Variants in CROCC observed in about 807,000 individuals in gnomAD.
CROCC encodes rootletin.
Under a neutral mutation model 245.2 loss-of-function variants are expected in CROCC, and 180 were observed. The observed-to-expected ratio is 0.73, with a 90% CI of 0.65 to 0.83. CROCC has a LOEUF of 0.83. Ranked by LOEUF, CROCC falls within the 40% of genes least tolerant of loss-of-function variation. The pLI, the probability that CROCC is intolerant of heterozygous loss-of-function variation, is 0.00. For missense variants in CROCC, 2,688 were observed against 2,779.4 expected (o/e 0.97, Z 0.74); for synonymous variants, 1,205 against 1,241.6 (o/e 0.97, Z 0.62).
intron 9 of CROCC, among the ~76,000 whole-genome samples, chr1:16,937,243 C>T (rs1325211149): frequency 2.0e-5 from 3 of 152,108 alleles, no homozygotes; most frequent in East Asian, 1.9e-4. Context: ...ATCCCAGCTA[C>T]GAGGGAGGCT....
At chr1:16,959,965 A>C (rs1054435009) in intron 26 of CROCC, among the ~76,000 whole-genome samples, 4 of 152,046 alleles carry the variant, frequency 2.6e-5, no homozygotes, top group African/African-American at 9.6e-5. Flanking sequence ...AAAAACAAAA[A>C]AAAAAACAGA....
Position 16,966,302 on chromosome 1 carries a change from C to A in CROCC, c.4697-106C>A. The stretch of plus-strand genomic sequence containing the variant: ...GCCCGCATACTACGAAGGGTGCAGA[C>A]AGTCTGGCCCTGCACTGGGTGGAGT... On this transcript the variant is annotated intron_variant, in intron 29 of 36. Coordinates refer to ENST00000375541, the MANE Select transcript of CROCC (RefSeq NM_014675.5). The surrounding 1 kb of genome is among the most constrained non-coding windows in gnomAD (Gnocchi z 4.8). 7.0e-7 allele frequency: 1 copy of A among 1,431,316 alleles called. No individual in the cohort carries two copies. Among genetic ancestry groups the A allele is most frequent in the Admixed American group, 2.5e-5 (1 of 39,902 alleles). The allele number at this position is 1,431,316 out of a possible 1,614,324, so 88.7% of individuals were successfully genotyped here.
chr1:16,924,689 G>A (rs867854406), intron 3 of CROCC, among the ~76,000 whole-genome samples: 2 of 152,288 alleles, frequency 1.3e-5, no homozygotes, highest in East Asian at 1.9e-4. Flanking sequence ...GTAATGGGAC[G>A]TGGAATTGTA....
Position 16,939,177 on chromosome 1 carries a change from G to T in CROCC, c.1608+35G>T, listed in dbSNP as rs1267826417. The T allele has an allele frequency of 1.1e-5, 15 of 1,409,504 alleles. No homozygotes were observed. In the South Asian group the frequency reaches 2.2e-4, roughly 21 times the overall value. The allele number at this position is 1,409,504 out of a possible 1,614,324, so 87.3% of individuals were successfully genotyped here. ...GGCTTGAGCGTTCTGGGCGCAGCCA[G>T]AGGCCTGGGGGAGGGGCTCGCGCCC... On this transcript the variant is annotated intron_variant, in intron 12 of 36. Coordinates refer to ENST00000375541, the MANE Select transcript of CROCC (RefSeq NM_014675.5).
chr1:16,955,948 C>G (rs1360669030), intron 24 of CROCC, 49 bp from the exon 25 acceptor site: 3 of 1,547,026 alleles, frequency 1.9e-6, no homozygotes, highest in Non-Finnish European at 2.6e-6. Context: ...TGTAGAGCCA[C>G]TGACTACTCC....
intron 14 of CROCC, 65 bp from the exon 15 acceptor site, chr1:16,945,397 G>T: frequency 3.1e-6 from 5 of 1,602,858 alleles, no homozygotes; most frequent in Non-Finnish European, 4.3e-6. Context: ...CCAGCATCTC[G>T]CTGGCTACAG....
At chr1:16,920,650 T>C (rs2075384253), upstream of CROCC, among the ~76,000 whole-genome samples, 1 of 152,148 alleles carries the variant, frequency 6.6e-6, no homozygotes, top group Non-Finnish European at 1.5e-5. Context: ...GCCTAAGCAC[T>C]AGAGCACATA....
At chr1:16,915,035 C>T (rs2075287036) in intron 1 of CROCC, among the ~76,000 whole-genome samples, 1 of 152,286 alleles carries the variant, frequency 6.6e-6, no homozygotes, top group Non-Finnish European at 1.5e-5. Context: ...CCCTGGATCT[C>T]GGAGGCTCCC....
upstream of CROCC, chr1:16,921,929 G>A: frequency 1.5e-6 from 2 of 1,335,046 alleles, no homozygotes; most frequent in Middle Eastern, 1.9e-4. Context: ...CTGGTGCTCA[G>A]CACAGCATCC....
In CROCC at chr1:16,922,751, T is replaced by G. The variant is rs2100315906; in HGVS notation, c.149T>G (p.Leu50Arg). The G allele has an allele frequency of 6.2e-7, 1 of 1,613,916 alleles. No individual in the cohort carries two copies. The highest frequency in any genetic ancestry group is 1.1e-5 in the South Asian group (1 of 91,082). Residue 50 changes from leucine to arginine, a missense_variant, in exon 2 of 37, where the codon CTT becomes CGT. This residue lies in a region of CROCC where 972 missense variants were observed against 895.3 expected (regional missense o/e 1.09). Transcript: ENST00000375541. ...QDAQITSLPA[L>R]IREIVTRNLS... The stretch of plus-strand genomic sequence containing the variant: ...GCTCAGATCACCAGCCTGCCTGCCC[T>G]TATCAGGGAGATTGTCACCCGCAAC...
intron 27 of CROCC, among the ~76,000 whole-genome samples, chr1:16,965,233 CA>C (rs1385144119): frequency 1.8e-4 from 27 of 152,212 alleles, no homozygotes; most frequent in African/African-American, 6.3e-4. Context: ...AGTGGGCACT[CA>C]GTATGGAGAG....
chr1:16,970,594 GCTC>G (rs1304415866), intron 34 of CROCC, 39 bp from the exon 35 acceptor site: 1 of 1,498,294 alleles, frequency 6.7e-7, no homozygotes, highest in Non-Finnish European at 8.9e-7. Context: ...CCCTCAGTAA[GCTC>G]CTCCTGGCAC....
rs770149753 is a variant in CROCC at position 16,971,698 on chromosome 1, A to C, written c.5967+51A>C. Reference sequence around the variant, plus strand: ...GGCCAGGATGGATGTGTGGGGCTGCAGAAAGAGGAGAGACCCAATCAAGAC... The same window carrying C: ...GGCCAGGATGGATGTGTGGGGCTGCCGAAAGAGGAGAGACCCAATCAAGAC... On this transcript the variant is annotated intron_variant, in intron 36 of 36. Transcript: ENST00000375541. The C allele has an allele frequency of 5.4e-5, 77 of 1,414,506 alleles. No individual in the cohort carries two copies. The South Asian group carries it at 7.9e-4, about 15-fold the overall frequency. 87.6% of individuals were successfully genotyped at this position (1,414,506 alleles called of 1,614,324 possible).
chr1:16,944,910 G>A (rs1325570627), intron 14 of CROCC, among the ~76,000 whole-genome samples: 1 of 152,272 alleles, frequency 6.6e-6, no homozygotes, highest in African/African-American at 2.4e-5. Flanking sequence ...GATGTGTCAG[G>A]CACTATTTTA....
chr1:16,951,681 T>C (rs1415476497), intron 20 of CROCC, among the ~76,000 whole-genome samples: 1 of 152,230 alleles, frequency 6.6e-6, no homozygotes, highest in Non-Finnish European at 1.5e-5. Flanking sequence ...AAATGCTCCA[T>C]AAGTTATGAT....
Position 16,956,045 on chromosome 1 carries a change from G to T in CROCC, c.3753G>T (p.Glu1251Asp), listed in dbSNP as rs1273131922. Residue 1251 changes from glutamate to aspartate, a missense_variant, in exon 25 of 37, where the codon GAG becomes GAT. By Grantham distance (45) the Glu-to-Asp change is conservative. Around this residue, in one of 9 missense-constraint regions of CROCC, gnomAD observed 1,218 missense variants for 1,286.3 expected, o/e 0.95. Transcript: ENST00000375541. ...AGGAGCAGAAGCTGGCACTCCTAGA[G>T]GAGGCACGGACAGCTGTGGGCAAGG... ...EDKEQKLALL[E>D]EARTAVGKEA... The T allele has an allele frequency of 6.4e-7, 1 of 1,551,188 alleles. No homozygotes were observed. Among genetic ancestry groups the T allele is most frequent in the Admixed American group, 2.0e-5 (1 of 51,002 alleles).
chr1:16,937,712 A>G lies in CROCC; in HGVS notation c.1265A>G (p.Asp422Gly). 6.2e-7 allele frequency: 1 copy of G among 1,610,986 alleles called. No individual in the cohort carries two copies. Among genetic ancestry groups the G allele is most frequent in the African/African-American group, 1.3e-5 (1 of 74,988 alleles). The change falls in exon 10 of 37, where the codon GAC (aspartate) becomes GGC (glycine). Residue 422 changes from aspartate to glycine, a missense_variant. Asp to Gly is a moderately conservative substitution (Grantham distance 94). Transcript: ENST00000375541. Reference sequence around the variant, plus strand: ...CTGGAGAAGGATCAGGTCAACAAGGACCTCACTGAGAAGCTTGAGGCCCTG... The same window carrying G: ...CTGGAGAAGGATCAGGTCAACAAGGGCCTCACTGAGAAGCTTGAGGCCCTG... Reference protein sequence around the residue: ...QNLEKDQVNKDLTEKLEALES... With the variant: ...QNLEKDQVNKGLTEKLEALES...
rs753827974 is a variant in CROCC, at chr1:16,955,017, G to A, written c.3465+140G>A. ...CAATGAATAGCAACTTAGAAAGGAG[G>A]CAGCAAGCACTACGAAGCACCTGTT... On this transcript the variant is annotated intron_variant, in intron 23 of 36. Transcript: ENST00000375541. The A allele has an allele frequency of 7.6e-6, 9 of 1,187,508 alleles. No individual in the cohort carries two copies. In the South Asian group the frequency reaches 9.7e-5, roughly 13 times the overall value. 73.6% of individuals were successfully genotyped at this position (1,187,508 alleles called of 1,614,324 possible).
upstream of CROCC, among the ~76,000 whole-genome samples, chr1:16,921,052 A>G (rs1219942419): frequency 6.6e-6 from 1 of 152,242 alleles, no homozygotes; most frequent in Non-Finnish European, 1.5e-5. Context: ...CTGGGACTGT[A>G]CCTTCTGGAT....
Sources: allele counts gnomAD v4.1 joint callset (sites outside exome capture counted in the v4.1 genomes callset), GRCh38; gene constraint gnomAD v4.1.1; regional missense constraint gnomAD v4.1.1; non-coding constraint Gnocchi (gnomAD v3.1); transcripts MANE v1.5; gene names NCBI Gene and HGNC (gene_info 2026-07-23, HGNC 2026-07-21).